PRKCB: variants seen among roughly 807,000 people sequenced by gnomAD.
PRKCB encodes protein kinase C beta, also known as protein kinase C beta type.
A neutral mutation model predicts 81.5 loss-of-function variants in PRKCB; 13 were observed. The ratio of observed to expected loss-of-function variants is 0.16; its 90% CI spans 0.10 to 0.25. PRKCB has a LOEUF of 0.25. Ranked by LOEUF, PRKCB falls within the 10% of genes least tolerant of loss-of-function variation. PRKCB has a pLI of 1.00. For synonymous variants in PRKCB, 335 were observed against 321.4 expected (o/e 1.04, Z -0.45); for missense variants, 509 against 875.7 (o/e 0.58, Z 5.29).
At chr16:23,883,491 A>G (rs1963154302) in intron 2 of PRKCB, among the ~76,000 whole-genome samples, 1 of 152,090 alleles carries the variant, frequency 6.6e-6, no homozygotes, top group Non-Finnish European at 1.5e-5. Context: ...GCCACTGGAG[A>G]GTTTTAGGTA....
In PRKCB at chr16:23,912,758, C is replaced by T. The variant is rs181444039; in HGVS notation, c.205+75352C>T. Among the ~76,000 whole-genome samples, 220 of 151,576 alleles carry T rather than the reference C, an allele frequency of 1.5e-3. 2 individuals carry two copies. Among genetic ancestry groups the T allele is most frequent in the African/African-American group, 5.0e-3 (207 of 41,326 alleles). ...GAACTCCTGACCTCAGGTGATCCACCCTCTTTGGCCTCCCAAAGGGCTGGG... is the reference window on the plus strand; with the variant it reads ...GAACTCCTGACCTCAGGTGATCCACTCTCTTTGGCCTCCCAAAGGGCTGGG... On this transcript the variant is annotated intron_variant, in intron 2 of 16. Coordinates refer to ENST00000643927, the MANE Select transcript of PRKCB (RefSeq NM_002738.7).
intron 5 of PRKCB, among the ~76,000 whole-genome samples, chr16:24,039,456 C>A (rs987846211): frequency 2.6e-5 from 4 of 152,204 alleles, no homozygotes; most frequent in African/African-American, 9.7e-5. Flanking sequence ...TCTCAATCTC[C>A]TGACCTCAAG....
intron 2 of PRKCB, among the ~76,000 whole-genome samples, chr16:23,922,192 A>G (rs1409075214): frequency 1.3e-5 from 2 of 152,262 alleles, no homozygotes; most frequent in African/African-American, 2.4e-5. Flanking sequence ...TGTAGACTCA[A>G]ATCCTACAGA....
chr16:23,965,249 G>A (rs192699476), intron 2 of PRKCB, among the ~76,000 whole-genome samples: 20 of 152,172 alleles, frequency 1.3e-4, no homozygotes, highest in African/African-American at 4.8e-4. Flanking sequence ...GCAGCATTTG[G>A]TTTTCTGTTC....
chr16:24,150,392 C>G (rs1027798153), intron 9 of PRKCB, among the ~76,000 whole-genome samples: 2 of 152,130 alleles, frequency 1.3e-5, no homozygotes, highest in Non-Finnish European at 2.9e-5. Context: ...TGTGTATTCT[C>G]TGTTGAGGGA....
At chr16:24,128,177 C>A (rs1966847775) in intron 9 of PRKCB, among the ~76,000 whole-genome samples, 1 of 151,946 alleles carries the variant, frequency 6.6e-6, no homozygotes, top group Admixed American at 6.6e-5. Flanking sequence ...GAGTTCGAGG[C>A]CAGCCTGGCC....
intron 5 of PRKCB, among the ~76,000 whole-genome samples, chr16:24,044,342 A>G (rs1310522327): frequency 2.0e-5 from 3 of 152,192 alleles, no homozygotes; most frequent in Non-Finnish European, 4.4e-5. Context: ...AGCCTGGGTG[A>G]TAGAGTAAGA....
At chr16:24,128,290 G>T (rs1036356499) in intron 9 of PRKCB, among the ~76,000 whole-genome samples, 1 of 152,126 alleles carries the variant, frequency 6.6e-6, no homozygotes, top group Non-Finnish European at 1.5e-5. Context: ...CAGGAGAATC[G>T]CTTGAACCGA....
chr16:24,050,421 G>C (rs1965826343), intron 5 of PRKCB, among the ~76,000 whole-genome samples: 1 of 151,904 alleles, frequency 6.6e-6, no homozygotes. Flanking sequence ...TTCTAGATCA[G>C]CTGTTTTCAA....
At chr16:23,948,943 G>A (rs772495340) in intron 2 of PRKCB, among the ~76,000 whole-genome samples, 30 of 96,022 alleles carry the variant, frequency 3.1e-4, no homozygotes, top group Admixed American at 5.9e-4. Context: ...CTTGTCAGTA[G>A]TACAGGGTTT....
At chr16:24,156,882 G>A (rs542429826) in intron 10 of PRKCB, among the ~76,000 whole-genome samples, 190 of 152,268 alleles carry the variant, frequency 1.2e-3, no homozygotes, top group African/African-American at 3.7e-3. Context: ...GACAGTCTCC[G>A]TCCAGTAAAT....
chr16:24,126,475 G>A (rs1282270210), intron 9 of PRKCB, among the ~76,000 whole-genome samples: 4 of 151,838 alleles, frequency 2.6e-5, no homozygotes, highest in Admixed American at 1.3e-4. Context: ...CTGCAGCCTC[G>A]ACATGCTGGA....
chr16:24,022,081 C>G lies in PRKCB; in HGVS notation c.289-10055C>G, dbSNP rs146882805. On this transcript the variant is annotated intron_variant, in intron 3 of 16. Coordinates refer to ENST00000643927, the MANE Select transcript of PRKCB (RefSeq NM_002738.7). ...CCAGGATCCTGTGGAAACCTGATTT[C>G]CAGGGGTGGGCGAGATGACTGGGGA... 1.7e-3 allele frequency among the ~76,000 whole-genome samples: 260 copies of G among 152,166 alleles called. 2 individuals carry two copies. Among genetic ancestry groups the G allele is most frequent in the African/African-American group, 6.0e-3 (250 of 41,508 alleles).
intron 10 of PRKCB, among the ~76,000 whole-genome samples, chr16:24,157,569 C>A (rs1300080170): frequency 1.3e-5 from 2 of 151,388 alleles, no homozygotes; most frequent in African/African-American, 4.9e-5. Flanking sequence ...TCAATTAAAC[C>A]CCTTTCCTTT....
intron 3 of PRKCB, among the ~76,000 whole-genome samples, chr16:24,005,796 A>G (rs924466949): frequency 1.1e-4 from 17 of 152,186 alleles, no homozygotes; most frequent in African/African-American, 4.1e-4. Flanking sequence ...TCTTGGTGTC[A>G]TCCGGTCTCC....
chr16:23,943,466 T>G (rs1023126490), intron 2 of PRKCB, among the ~76,000 whole-genome samples: 3 of 152,032 alleles, frequency 2.0e-5, no homozygotes, highest in Admixed American at 6.6e-5. Context: ...GAGGTGGAGG[T>G]TGCAGTGAGC....
intron 7 of PRKCB, among the ~76,000 whole-genome samples, chr16:24,096,663 AAAAATAT>A (rs1379890472): frequency 3.4e-4 from 17 of 49,640 alleles, no homozygotes; most frequent in East Asian, 8.3e-4. Context: ...AAAAAAAAAA[AAAAATAT>A]ATATATATAT....
At chr16:23,884,459 A>G (rs1963168229) in intron 2 of PRKCB, among the ~76,000 whole-genome samples, 1 of 152,192 alleles carries the variant, frequency 6.6e-6, no homozygotes, top group African/African-American at 2.4e-5. Flanking sequence ...AAAAATTGTG[A>G]ACATTCTCTT....
chr16:23,871,727 G>C (rs1381052872), intron 2 of PRKCB, among the ~76,000 whole-genome samples: 1 of 151,964 alleles, frequency 6.6e-6, no homozygotes, highest in Admixed American at 6.6e-5. Context: ...ACAGGCATGT[G>C]CCACCATGCC....
Sources: gnomAD v4.1 joint callset for allele counts (sites outside exome capture counted in the v4.1 genomes callset) on GRCh38, gnomAD v4.1.1 for gene constraint, MANE v1.5 for transcripts, NCBI Gene and HGNC (gene_info 2026-07-23, HGNC 2026-07-21) for gene names.